Variants in KIDINS220 observed in about 807,000 individuals in gnomAD.
The protein encoded by KIDINS220 is kinase D-interacting substrate of 220 kDa.
A neutral mutation model predicts 157.6 loss-of-function variants in KIDINS220; 63 were observed. That is an observed-to-expected ratio of 0.40 (90% confidence interval 0.33 to 0.49). KIDINS220 has a LOEUF of 0.49. Ranked by LOEUF, KIDINS220 falls within the 20% of genes least tolerant of loss-of-function variation. KIDINS220 has a pLI of 0.66. For synonymous variants in KIDINS220, 732 were observed against 783.6 expected, an observed-to-expected ratio of 0.93 and a Z score of 1.10; for missense variants, 1,772 against 2,171.2, an observed-to-expected ratio of 0.82 and a Z score of 3.65.
chr2:8,794,036 T>C (rs1471603670), intron 11 of KIDINS220, 49 bp from the exon 12 acceptor site: 3 of 1,350,348 alleles, frequency 2.2e-6, no homozygotes, highest in East Asian at 2.4e-5. Context: ...TTATATATAG[T>C]ATGCAGACAG....
intron 28 of KIDINS220, among the ~76,000 whole-genome samples, chr2:8,734,177 T>C (rs1664545017): frequency 1.3e-5 from 2 of 151,658 alleles, no homozygotes; most frequent in Admixed American, 1.3e-4. Flanking sequence ...TGGGGGACTC[T>C]TGGTACGCCG....
chr2:8,820,534 C>T lies in KIDINS220; in HGVS notation c.109-1741G>A, dbSNP rs545543138. On this transcript the variant is annotated intron_variant, in intron 2 of 29. Coordinates refer to ENST00000256707, the MANE Select transcript of KIDINS220 (RefSeq NM_020738.4). ...AATAATACAAGTAAGGATTTAAACACGAACGCTGGTTTAAAGTTCAAGTAT... is the reference window on the plus strand; with the variant it reads ...AATAATACAAGTAAGGATTTAAACATGAACGCTGGTTTAAAGTTCAAGTAT... Among the ~76,000 whole-genome samples the T allele has an allele frequency of 9.2e-5, 14 of 152,308 alleles. No homozygotes were observed. The East Asian group carries it at 1.3e-3, about 15-fold the overall frequency.
Position 8,733,475 on chromosome 2 carries a change from C to A in KIDINS220, c.4022G>T (p.Gly1341Val). Residue 1341 changes from glycine to valine, a missense_variant, in exon 29 of 30, where the codon GGT (glycine) becomes GTT (valine). By Grantham distance (109) the Gly-to-Val change is moderately radical. This residue lies in a region of KIDINS220 where 793 missense variants were observed against 885.5 expected (regional missense o/e 0.90). Coordinates refer to ENST00000256707, the MANE Select transcript of KIDINS220 (RefSeq NM_020738.4). The stretch of plus-strand genomic sequence containing the variant: ...ACTTAGATTACTGTGACGAGGGGCA[C>A]CTTCATCCAGGCCAAGCGTGTTCAG... ...EELNTLGLDEGAPRHSNLSWQ... is the reference protein window; with the variant it reads ...EELNTLGLDEVAPRHSNLSWQ... 2.5e-6 allele frequency: 4 copies of A among 1,614,056 alleles called. No homozygotes were observed. The highest frequency in any genetic ancestry group is 8.5e-7 in the Non-Finnish European group (1 of 1,179,992).
At chr2:8,837,237 C>A (rs1300832200) in intron 1 of KIDINS220, among the ~76,000 whole-genome samples, 12 of 152,314 alleles carry the variant, frequency 7.9e-5, no homozygotes, top group Non-Finnish European at 7.4e-5. Context: ...ACCAGAGACT[C>A]CAAGGTCGGA....
In KIDINS220 at chr2:8,781,153, A is replaced by ATATATATATAATAT. The variant is rs70946383; in HGVS notation, c.2230-1340_2230-1339insATATTATATATATA. On this transcript the variant is annotated intron_variant, in intron 17 of 29. Coordinates refer to ENST00000256707, the MANE Select transcript of KIDINS220 (RefSeq NM_020738.4). ...ACTATATTAATTATTATATATATAT[A>ATATATATATAATAT]ATATATATATATTAAAGGGGGGCAT... Among the ~76,000 whole-genome samples the ATATATATATAATAT allele has an allele frequency of 6.2e-3, 807 of 130,360 alleles. 15 individuals are homozygous for ATATATATATAATAT. The highest frequency in any genetic ancestry group is 0.017 in the African/African-American group (605 of 35,176). The allele number at this position is 130,360 out of a possible 152,430, so 85.5% of individuals were successfully genotyped here.
chr2:8,727,076 T>C, downstream of KIDINS220: 1 of 1,002,376 alleles, frequency 1.0e-6, no homozygotes, highest in Non-Finnish European at 1.3e-6. Flanking sequence ...TATACGTTTC[T>C]ATTTTTCAAT....
chr2:8,793,832 A>C lies in KIDINS220; in HGVS notation c.1254T>G (p.Ile418Met). ...TACTGGCTCCAAATATTTGAGTTAAAATACTCTTCTGATGGCTACAGTCAA... is the reference window on the plus strand; with the variant it reads ...TACTGGCTCCAAATATTTGAGTTAACATACTCTTCTGATGGCTACAGTCAA... ...YNIDCSHQKS[I>M]LTQIFGARHL... Residue 418 changes from isoleucine (I) to methionine (M), a missense_variant, in exon 12 of 30, where the codon ATT (isoleucine) becomes ATG (methionine). Transcript: ENST00000256707. 6.2e-7 allele frequency: 1 copy of C among 1,602,262 alleles called. No individual in the cohort carries two copies. Among genetic ancestry groups the C allele is most frequent in the Non-Finnish European group, 8.5e-7 (1 of 1,176,406 alleles).
rs1674931469 is a variant in KIDINS220 at position 8,802,959 on chromosome 2, C to T, written c.772G>A (p.Ala258Thr). 2 of 1,613,874 alleles carry T rather than the reference C, an allele frequency of 1.2e-6. No homozygotes were observed. Among genetic ancestry groups the T allele is most frequent in the Non-Finnish European group, 1.7e-6 (2 of 1,179,946 alleles). The change falls in exon 8 of 30, where the codon GCT (alanine) becomes ACT (threonine). Residue 258 changes from alanine to threonine, a missense_variant. Transcript: ENST00000256707. Reference protein sequence around the residue: ...HTEIVQDLLDAGTYVNIPDRS... With the variant: ...HTEIVQDLLDTGTYVNIPDRS... ...TCAGGTATGTTCACATATGTTCCAG[C>T]GTCGAGCAGATCCTGCACAATCTCC...
At chr2:8,830,601 T>C (rs995430205) in intron 1 of KIDINS220, among the ~76,000 whole-genome samples, 5 of 152,190 alleles carry the variant, frequency 3.3e-5, no homozygotes, top group East Asian at 1.9e-4. Flanking sequence ...CTATTTTTTG[T>C]AGAAATGAAG....
intron 22 of KIDINS220, among the ~76,000 whole-genome samples, chr2:8,765,803 A>C (rs1045483998): frequency 3.3e-5 from 5 of 152,152 alleles, no homozygotes; most frequent in African/African-American, 1.2e-4. Context: ...TCCCAGGCTC[A>C]AGTGATCCTC....
intron 27 of KIDINS220, among the ~76,000 whole-genome samples, chr2:8,736,215 T>C (rs1016060615): frequency 3.3e-5 from 5 of 152,352 alleles, no homozygotes; most frequent in African/African-American, 1.2e-4. Context: ...AGTACTCTGA[T>C]ATAAAAAGTA....
At chr2:8,807,264 A>C (rs1028461909) in intron 6 of KIDINS220, among the ~76,000 whole-genome samples, 1 of 152,220 alleles carries the variant, frequency 6.6e-6, no homozygotes, top group Non-Finnish European at 1.5e-5. Flanking sequence ...GCATCCAGGA[A>C]TATAAATCAT....
chr2:8,796,316 T>C (rs1244921076), intron 11 of KIDINS220, among the ~76,000 whole-genome samples: 2 of 152,206 alleles, frequency 1.3e-5, no homozygotes, highest in South Asian at 2.1e-4. Flanking sequence ...CACTTAGAGC[T>C]AAACTTATTA....
chr2:8,809,558 G>T (rs544607772), intron 6 of KIDINS220, among the ~76,000 whole-genome samples: 2 of 151,152 alleles, frequency 1.3e-5, no homozygotes, highest in East Asian at 3.9e-4. Context: ...ACCATATTCC[G>T]TTACTACTGA....
chr2:8,806,661 A>C (rs1454721333), intron 6 of KIDINS220, among the ~76,000 whole-genome samples: 4 of 152,104 alleles, frequency 2.6e-5, no homozygotes, highest in African/African-American at 9.7e-5. Context: ...GCTCACTGCA[A>C]TCTCTGCCTC....
chr2:8,757,537 T>C (rs1248222127), intron 22 of KIDINS220: 2 of 1,456,060 alleles, frequency 1.4e-6, no homozygotes, highest in African/African-American at 1.4e-5. Flanking sequence ...ATGTTTCAAC[T>C]ACCCATTCCG....
Position 8,730,236 on chromosome 2 carries a change from GCCTCTC to G in KIDINS220, c.*478_*483del. The G allele has an allele frequency of 1.0e-6, 1 of 987,930 alleles. No individual in the cohort carries two copies. Among genetic ancestry groups the G allele is most frequent in the Non-Finnish European group, 1.2e-6 (1 of 831,854 alleles). The allele number at this position is 987,930 out of a possible 1,614,324, so 61.2% of individuals were successfully genotyped here. A position where few individuals can be genotyped will look rare whatever the true frequency, so the allele number is the denominator to read the frequency against. On this transcript the variant is annotated 3_prime_UTR_variant, in exon 30 of 30. Coordinates refer to ENST00000256707, the MANE Select transcript of KIDINS220 (RefSeq NM_020738.4). Reference sequence around the variant, plus strand: ...AGAACGCTGGATCTCGGTTTACTCAGCCTCTCCCTGTAGCGTCACAGGCTGTGCACT... The same window carrying G: ...AGAACGCTGGATCTCGGTTTACTCAGCCTGTAGCGTCACAGGCTGTGCACT...
At chr2:8,751,070 A>G (rs1667285956) in intron 23 of KIDINS220, among the ~76,000 whole-genome samples, 1 of 152,102 alleles carries the variant, frequency 6.6e-6, no homozygotes, top group African/African-American at 2.4e-5. Context: ...TTCTCTGGAT[A>G]GAGATCCCTG....
At chr2:8,738,370 T>C (rs900172721) in intron 26 of KIDINS220, among the ~76,000 whole-genome samples, 2 of 152,186 alleles carry the variant, frequency 1.3e-5, no homozygotes, top group Non-Finnish European at 2.9e-5. Context: ...AACGGGATAT[T>C]TGCAGAGTTT....
Sources: allele counts gnomAD v4.1 joint callset (sites outside exome capture counted in the v4.1 genomes callset), GRCh38; gene constraint gnomAD v4.1.1; regional missense constraint gnomAD v4.1.1; transcripts MANE v1.5; gene names NCBI Gene and HGNC (gene_info 2026-07-23, HGNC 2026-07-21).